ADAM19: variants seen among roughly 807,000 people sequenced by gnomAD.
The protein encoded by ADAM19 is ADAM metallopeptidase domain 19, also known as disintegrin and metalloproteinase domain-containing protein 19.
ADAM19 carries 65 observed loss-of-function variants against 114.7 expected under a neutral mutation model. The observed-to-expected ratio is 0.57, with a 90% CI of 0.46 to 0.70. The LOEUF (loss-of-function observed/expected upper bound fraction) is 0.70, where lower values mean the gene tolerates loss of function less well. Among genes scored for constraint, ADAM19 ranks in the 30% least tolerant of loss-of-function variants. The probability of loss-of-function intolerance (pLI) is 0.00; values close to 1 mark genes in which losing one functional copy is unlikely to be tolerated. For missense variants in ADAM19, 1,063 were observed against 1,204.7 expected (o/e 0.88, Z 1.74); for synonymous variants, 466 against 460.5 (o/e 1.01, Z -0.15).
intron 3 of ADAM19, among the ~76,000 whole-genome samples, chr5:157,552,703 G>GAAAAAAAAAAAAAAAAAAA (rs1757237133): frequency 7.1e-6 from 1 of 141,770 alleles, no homozygotes. Context: ...AAAAAAAAAG[G>GAAAAAAAAAAAAAAAAAAA]AAATCAGTAT....
intron 3 of ADAM19, among the ~76,000 whole-genome samples, chr5:157,563,118 A>T (rs948998805): frequency 1.3e-5 from 2 of 152,086 alleles, no homozygotes; most frequent in Admixed American, 1.3e-4. Context: ...GCAAGGAAAA[A>T]TCCAGGGCCA....
intron 2 of ADAM19, chr5:157,566,761 C>A (rs1258029366): frequency 1.3e-5 from 2 of 152,224 alleles, no homozygotes; most frequent in Non-Finnish European, 2.9e-5. Context: ...TCACGGCTCA[C>A]TGCAGCCTCA....
At position 157,496,823 on chromosome 5, in the gene ADAM19, C is replaced by T. The variant is rs1041476959; in HGVS notation, c.1594+71G>A. 5.0e-6 allele frequency: 7 copies of T among 1,410,570 alleles called. No individual in the cohort carries two copies. In the African/African-American group the frequency reaches 7.5e-5, roughly 15 times the overall value. 87.4% of individuals were successfully genotyped at this position (1,410,570 alleles called of 1,614,324 possible). ...ATTTGAAGCCAAGATTCCAAACTAC[C>T]CTGAGGGCCAGGGGAGGCTGGCTGG... is the stretch of plus-strand genomic sequence containing the variant. On this transcript the variant is annotated intron_variant, in intron 14 of 22. Coordinates refer to ENST00000257527, the MANE Select transcript of ADAM19 (RefSeq NM_033274.5).
At chr5:157,541,939 C>CT (rs1430358944) in intron 3 of ADAM19, among the ~76,000 whole-genome samples, 1 of 152,212 alleles carries the variant, frequency 6.6e-6, no homozygotes, top group East Asian at 1.9e-4. Context: ...AAAACACCCT[C>CT]TGCAGACGAG....
At chr5:157,491,513 A>G (rs771645253) in intron 18 of ADAM19, 102 bp downstream of exon 18, 221 of 822,336 alleles carry the variant, frequency 2.7e-4, no homozygotes, top group Admixed American at 3.7e-4. Context: ...AAATCAGGAC[A>G]ATGAAGCTGA....
Position 157,481,022 on chromosome 5 carries a change from A to T in ADAM19, c.2704-20T>A. ...TGGAAACTGGGAAGAAAAAGAAGGG[A>T]GGGAGAGAGACATCAGCTTGATGCT... On this transcript the variant is annotated intron_variant, in intron 22 of 22. Coordinates refer to ENST00000257527, the MANE Select transcript of ADAM19 (RefSeq NM_033274.5). The T allele has an allele frequency of 6.2e-7, 1 of 1,613,988 alleles. No homozygotes were observed. Among genetic ancestry groups the T allele is most frequent in the South Asian group, 1.1e-5 (1 of 91,072 alleles).
chr5:157,552,267 C>T (rs559339312), intron 3 of ADAM19, among the ~76,000 whole-genome samples: 4 of 152,292 alleles, frequency 2.6e-5, no homozygotes, highest in East Asian at 1.9e-4. Context: ...CCCTTGTGTA[C>T]GTTGCTGGTG....
chr5:157,480,233 T>C lies in ADAM19; in HGVS notation c.*716A>G, dbSNP rs1581279332. Reference sequence around the variant, plus strand: ...TTATCCAGAGTCAGGAGTCGCAACCTTTGGCATCACGGCTCAGAGGAAGCC... The same window carrying C: ...TTATCCAGAGTCAGGAGTCGCAACCCTTGGCATCACGGCTCAGAGGAAGCC... On this transcript the variant is annotated 3_prime_UTR_variant, in exon 23 of 23. Coordinates refer to ENST00000257527, the MANE Select transcript of ADAM19 (RefSeq NM_033274.5). The C allele has an allele frequency of 3.0e-6, 3 of 985,992 alleles. No individual in the cohort carries two copies. Among genetic ancestry groups the C allele is most frequent in the South Asian group, 4.7e-5 (1 of 21,280 alleles). The allele number at this position is 985,992 out of a possible 1,614,324, so 61.1% of individuals were successfully genotyped here.
intron 5 of ADAM19, among the ~76,000 whole-genome samples, chr5:157,525,270 T>C (rs764119876): frequency 3.3e-5 from 5 of 152,166 alleles, no homozygotes; most frequent in Non-Finnish European, 7.3e-5. Context: ...GGCAAGGAAT[T>C]CAAAGGTGGA....
intron 8 of ADAM19, 69 bp downstream of exon 8, chr5:157,513,365 G>T: frequency 6.8e-7 from 1 of 1,477,942 alleles, no homozygotes; most frequent in South Asian, 1.1e-5. Flanking sequence ...TCCAGCAGAA[G>T]GCAGCTCCAG....
chr5:157,555,709 C>A (rs556440395), intron 3 of ADAM19, among the ~76,000 whole-genome samples: 54 of 152,312 alleles, frequency 3.5e-4, no homozygotes, highest in African/African-American at 1.2e-3. Context: ...AATAAATTGT[C>A]ACAAAATTGG....
chr5:157,574,507 C>T (rs1025473081), intron 1 of ADAM19, among the ~76,000 whole-genome samples: 25 of 152,282 alleles, frequency 1.6e-4, no homozygotes, highest in African/African-American at 5.8e-4. Context: ...GAAGAGCTCT[C>T]AGCCTCTGGG....
chr5:157,540,453 C>T (rs557163976), intron 3 of ADAM19, among the ~76,000 whole-genome samples: 1 of 152,310 alleles, frequency 6.6e-6, no homozygotes, highest in African/African-American at 2.4e-5. Flanking sequence ...TCTTCTGAGA[C>T]TTAGCAAGGG....
At chr5:157,504,934 A>G (rs1755693298) in intron 11 of ADAM19, among the ~76,000 whole-genome samples, 1 of 151,918 alleles carries the variant, frequency 6.6e-6, no homozygotes, top group Non-Finnish European at 1.5e-5. Context: ...CCTGGCTAAC[A>G]TGGTGAAACC....
chr5:157,504,819 T>C (rs1274262726), intron 11 of ADAM19, among the ~76,000 whole-genome samples: 2 of 145,480 alleles, frequency 1.4e-5, no homozygotes, highest in African/African-American at 2.7e-5. Context: ...TCAGAGACTC[T>C]GGTTTTAAAA....
chr5:157,483,637 AT>A (rs11376520), intron 21 of ADAM19, among the ~76,000 whole-genome samples: 78 of 144,908 alleles, frequency 5.4e-4, no homozygotes, highest in Admixed American at 6.9e-4. Flanking sequence ...TGAACATTCC[AT>A]TTTTTTTTTT....
chr5:157,575,671 C>G lies in ADAM19; in HGVS notation c.26G>C (p.Arg9Pro). MPGGAGAA[R>P]LCLLAFALQP... The stretch of plus-strand genomic sequence containing the variant: ...CAGGGCAAACGCCAGCAAGCAGAGC[C>G]GGGCGGCGCCTGCGCCCCCTGGCAT... The change falls in exon 1 of 23, where the codon CGG (arginine) becomes CCG (proline). Residue 9 changes from arginine (R) to proline (P), a missense_variant. Physicochemically the swap from Arg to Pro is moderately radical, Grantham distance 103. Around this residue, in one of 3 missense-constraint regions of ADAM19, gnomAD observed 615 missense variants for 706.3 expected, o/e 0.87. Coordinates refer to ENST00000257527, the MANE Select transcript of ADAM19 (RefSeq NM_033274.5). 1 of 1,359,320 alleles carries G rather than the reference C, an allele frequency of 7.4e-7. No homozygotes were observed. The highest frequency in any genetic ancestry group is 9.4e-7 in the Non-Finnish European group (1 of 1,063,970). 84.2% of individuals were successfully genotyped at this position (1,359,320 alleles called of 1,614,324 possible).
chr5:157,501,128 G>T (rs1312313980), intron 12 of ADAM19, among the ~76,000 whole-genome samples: 2 of 152,160 alleles, frequency 1.3e-5, no homozygotes, highest in Non-Finnish European at 1.5e-5. Context: ...AGAAGGAATA[G>T]AACACTTTCC....
chr5:157,571,070 C>T, intron 1 of ADAM19, 90 bp from the exon 2 acceptor site: 1 of 1,084,272 alleles, frequency 9.2e-7, no homozygotes, highest in Non-Finnish European at 1.4e-6. Context: ...TGCCCCTGCA[C>T]TGGGTCATTA....
Sources: allele counts gnomAD v4.1 joint callset (sites outside exome capture counted in the v4.1 genomes callset), GRCh38; gene constraint gnomAD v4.1.1; regional missense constraint gnomAD v4.1.1; transcripts MANE v1.5; gene names NCBI Gene and HGNC (gene_info 2026-07-23, HGNC 2026-07-21).